Variants in AKT3 observed in about 807,000 individuals in gnomAD.
AKT3 encodes RAC-gamma serine/threonine-protein kinase.
A neutral mutation model predicts 65.3 loss-of-function variants in AKT3; 15 were observed. That is an observed-to-expected ratio of 0.23 (90% confidence interval 0.15 to 0.35). The LOEUF (loss-of-function observed/expected upper bound fraction) is 0.35. AKT3 is among the 10% of genes least tolerant of loss of function. The pLI is 1.00. For missense variants in AKT3, 243 were observed against 576.5 expected (o/e 0.42, Z 5.92); for synonymous variants, 206 against 183.8 (o/e 1.12, Z -0.98).
At chr1:243,753,422 G>A (rs1274282145) in intron 2 of AKT3, among the ~76,000 whole-genome samples, 2 of 151,926 alleles carry the variant, frequency 1.3e-5, no homozygotes, top group African/African-American at 2.4e-5. Context: ...CCTAAACATA[G>A]TTTCTCAAAA....
chr1:243,503,286 C>T lies in AKT3; in HGVS notation c.*1963G>A. The T allele has an allele frequency of 4.3e-6, 1 of 233,700 alleles. No homozygotes were observed. The highest frequency in any genetic ancestry group is 8.5e-6 in the Non-Finnish European group (1 of 118,054). The allele number at this position is 233,700 out of a possible 1,614,324, so 14.5% of individuals were successfully genotyped here. A position where few individuals can be genotyped will look rare whatever the true frequency, so the allele number is the denominator to read the frequency against. ...TTAACCCCCGTCAGTCCCAGTGGCC[C>T]ACCCACTGCCAGCAGTGGTTTCATA... is the stretch of plus-strand genomic sequence containing the variant. On this transcript the variant is annotated 3_prime_UTR_variant, in exon 14 of 14. Transcript: ENST00000673466.
chr1:243,519,409 A>G (rs1032618066), intron 12 of AKT3, among the ~76,000 whole-genome samples: 1 of 152,238 alleles, frequency 6.6e-6, no homozygotes, highest in African/African-American at 2.4e-5. Flanking sequence ...TGGTTCTATT[A>G]GTATAATCCT....
intron 2 of AKT3, among the ~76,000 whole-genome samples, chr1:243,699,140 A>C (rs1009453881): frequency 6.6e-6 from 1 of 152,130 alleles, no homozygotes; most frequent in African/African-American, 2.4e-5. Context: ...CCCTGCCACC[A>C]ATCCTTTTAA....
intron 6 of AKT3, among the ~76,000 whole-genome samples, chr1:243,630,281 A>G (rs1679508218): frequency 2.0e-5 from 3 of 152,190 alleles, no homozygotes; most frequent in South Asian, 4.1e-4. Flanking sequence ...TCATTTAAAT[A>G]TCATCAGCTC....
At chr1:243,672,382 T>C (rs994701706) in intron 3 of AKT3, among the ~76,000 whole-genome samples, 3 of 152,212 alleles carry the variant, frequency 2.0e-5, no homozygotes, top group African/African-American at 7.2e-5. Context: ...ATCTGCAGAC[T>C]CACATCAATC....
chr1:243,556,850 C>T (rs900676765), intron 10 of AKT3, among the ~76,000 whole-genome samples: 2 of 152,016 alleles, frequency 1.3e-5, no homozygotes, highest in Non-Finnish European at 2.9e-5. Flanking sequence ...TTAAAGTAAA[C>T]TGCAGCTTCA....
chr1:243,797,285 T>G (rs898296651), intron 2 of AKT3, among the ~76,000 whole-genome samples: 5 of 152,114 alleles, frequency 3.3e-5, no homozygotes, highest in African/African-American at 1.2e-4. Context: ...ATCTGGCACA[T>G]ATCATGGTAT....
At chr1:243,513,799 C>A (rs1346497871) in intron 12 of AKT3, among the ~76,000 whole-genome samples, 1 of 152,172 alleles carries the variant, frequency 6.6e-6, no homozygotes, top group African/African-American at 2.4e-5. Flanking sequence ...CTGAAACAAA[C>A]TCCTCCACCA....
chr1:243,560,310 G>A (rs2148481310), intron 10 of AKT3, among the ~76,000 whole-genome samples: 1 of 152,224 alleles, frequency 6.6e-6, no homozygotes, highest in East Asian at 1.9e-4. Context: ...CTAATGTAAT[G>A]CCTGATACTT....
chr1:243,658,634 A>C (rs1173481339), intron 4 of AKT3, among the ~76,000 whole-genome samples: 3 of 152,212 alleles, frequency 2.0e-5, no homozygotes, highest in Non-Finnish European at 2.9e-5. Context: ...ATTCAAACAA[A>C]GTGAAATGAG....
At chr1:243,819,165 C>T (rs1018953696) in intron 2 of AKT3, among the ~76,000 whole-genome samples, 3 of 152,216 alleles carry the variant, frequency 2.0e-5, no homozygotes, top group Admixed American at 6.5e-5. Flanking sequence ...GTCATCACTG[C>T]GGCTGCCTGC....
chr1:243,590,624 T>G (rs1020629692), intron 8 of AKT3, among the ~76,000 whole-genome samples: 40 of 151,996 alleles, frequency 2.6e-4, no homozygotes, highest in African/African-American at 9.2e-4. Context: ...CAAATGAGAC[T>G]GTAGAGATAA....
At position 243,505,273 on chromosome 1, in the gene AKT3, G is replaced by C. The variant is rs148332912; in HGVS notation, c.1416C>G (p.Ser472=). 5.9e-4 allele frequency: 948 copies of C among 1,614,058 alleles called. 6 individuals are homozygous for C. The African/African-American group carries it at 0.012, about 20-fold the overall frequency. ...NERRPHFPQF[S]YSASGRE ...CTTATTCTCGTCCACTTGCAGAGTA[G>C]GAAAATTGAGGGAAATGCGGCCGCC... Residue 472 remains serine (S), a synonymous_variant, in exon 14 of 14, where the codon TCC becomes TCG. Coordinates refer to ENST00000673466, the MANE Select transcript of AKT3 (RefSeq NM_005465.7).
rs1485555960 is a variant in AKT3, at chr1:243,651,115, ACATACCTTGTAATTTGG to A, written c.285-5095_285-5079del. ...GTAGTTCTCCTTGAAGAGGTCCTTC[ACATACCTTGTAATTTGG>A]ATTCCTAGGTACTTTAAGCTCTTTG... On this transcript the variant is annotated intron_variant, in intron 4 of 13. Coordinates refer to ENST00000673466, the MANE Select transcript of AKT3 (RefSeq NM_005465.7). Among the ~76,000 whole-genome samples the A allele has an allele frequency of 3.3e-5, 5 of 152,176 alleles. No homozygotes were observed. In the East Asian group the frequency reaches 9.6e-4, roughly 29 times the overall value.
At chr1:243,580,104 T>C (rs1043139036) in intron 8 of AKT3, among the ~76,000 whole-genome samples, 5 of 152,162 alleles carry the variant, frequency 3.3e-5, no homozygotes, top group Admixed American at 6.5e-5. Context: ...CATAGCAAGA[T>C]AGCAGATAAA....
chr1:243,619,111 A>T (rs548783660), intron 6 of AKT3, among the ~76,000 whole-genome samples: 1 of 152,296 alleles, frequency 6.6e-6, no homozygotes, highest in African/African-American at 2.4e-5. Flanking sequence ...ATCAAGACAC[A>T]TTCCGTCTAA....
intron 8 of AKT3, chr1:243,612,406 T>C (rs1172097317): frequency 3.3e-5 from 5 of 152,196 alleles, no homozygotes; most frequent in Admixed American, 3.3e-4. Context: ...TGAGCCACCA[T>C]GCAAGCCCTG....
chr1:243,699,938 G>A (rs2148039454), intron 2 of AKT3, among the ~76,000 whole-genome samples: 1 of 152,244 alleles, frequency 6.6e-6, no homozygotes, highest in African/African-American at 2.4e-5. Context: ...AGCACCTAGA[G>A]CCACCAGAAG....
rs1210094388 is a variant in AKT3 at position 243,582,965 on chromosome 1, T to C, written c.697-9917A>G. Among the ~76,000 whole-genome samples, 3 of 151,246 alleles carry C rather than the reference T, an allele frequency of 2.0e-5. No homozygotes were observed. The East Asian group carries it at 5.8e-4, about 29-fold the overall frequency. On this transcript the variant is annotated intron_variant, in intron 8 of 13. Coordinates refer to ENST00000673466, the MANE Select transcript of AKT3 (RefSeq NM_005465.7). ...AAAAAGAGCAGGAATCACTATTCTT[T>C]CATCTGATAAAACAGACTTCAAACT...
Sources: allele counts gnomAD v4.1 joint callset (sites outside exome capture counted in the v4.1 genomes callset), GRCh38; gene constraint gnomAD v4.1.1; transcripts MANE v1.5; gene names NCBI Gene and HGNC (gene_info 2026-07-23, HGNC 2026-07-21).